Variants in DEPDC5 observed in about 807,000 individuals in gnomAD.
DEPDC5 encodes the protein DEP domain containing 5, GATOR1 subcomplex subunit.
In DEPDC5, 73 loss-of-function variants were observed where a neutral mutation model predicts 217.3. The ratio of observed to expected loss-of-function variants is 0.34; its 90% CI spans 0.28 to 0.41. The LOEUF (loss-of-function observed/expected upper bound fraction) is 0.41, where lower values mean the gene tolerates loss of function less well. Among genes scored for constraint, DEPDC5 ranks in the 10% least tolerant of loss-of-function variants. DEPDC5 has a pLI of 1.00. For synonymous variants in DEPDC5, 733 were observed against 756.7 expected (o/e 0.97, Z 0.51); for missense variants, 1,675 against 2,070.1 (o/e 0.81, Z 3.70).
At position 31,754,910 on chromosome 22, in the gene DEPDC5, A is replaced by G; in HGVS notation, c.-12A>G. 6.2e-7 allele frequency: 1 copy of G among 1,614,216 alleles called. No homozygotes were observed. The highest frequency in any genetic ancestry group is 8.5e-7 in the Non-Finnish European group (1 of 1,180,032). On this transcript the variant is annotated 5_prime_UTR_variant, in exon 2 of 43. Coordinates refer to ENST00000651528, the MANE Select transcript of DEPDC5 (RefSeq NM_001242896.3). ...CCAAGCTTGGAACAGCTAAAGGGAA[A>G]AACAGTGCAAGATGAGAACAACAAA...
intron 12 of DEPDC5, among the ~76,000 whole-genome samples, chr22:31,793,545 ATATCATGATCATGTT>A (rs2085916797): frequency 2.6e-5 from 4 of 151,976 alleles, no homozygotes; most frequent in Admixed American, 2.6e-4. Context: ...TCTGACCACA[ATATCATGATCATGTT>A]TAACGTTATT....
intron 26 of DEPDC5, 90 bp downstream of exon 26, chr22:31,837,245 C>A: frequency 7.3e-7 from 1 of 1,373,406 alleles, no homozygotes; most frequent in Admixed American, 2.1e-5. Flanking sequence ...TTTGTGCTGG[C>A]TTCAGCAACA....
chr22:31,818,885 T>G (rs1260818484), intron 21 of DEPDC5, 137 bp from the exon 22 acceptor site: 40 of 803,670 alleles, frequency 5.0e-5, no homozygotes, highest in Non-Finnish European at 7.3e-5. Flanking sequence ...GTTTGACAGT[T>G]TTGCTCATTT....
chr22:31,772,961 T>C (rs2083486762), intron 7 of DEPDC5, among the ~76,000 whole-genome samples: 1 of 151,830 alleles, frequency 6.6e-6, no homozygotes, highest in Non-Finnish European at 1.5e-5. Context: ...TTTGTTTTTT[T>C]AGTAGACACG....
At chr22:31,786,171 G>A (rs1252468220) in intron 10 of DEPDC5, among the ~76,000 whole-genome samples, 2 of 151,800 alleles carry the variant, frequency 1.3e-5, no homozygotes, top group African/African-American at 4.8e-5. Context: ...CAGGAGAATC[G>A]CTTGAACCTG....
intron 31 of DEPDC5, among the ~76,000 whole-genome samples, chr22:31,851,164 C>T (rs976608851): frequency 6.6e-6 from 1 of 152,128 alleles, no homozygotes; most frequent in African/African-American, 2.4e-5. Context: ...GGGCATATGC[C>T]TTGGTTTCAC....
At chr22:31,860,319 A>T (rs2092464154) in intron 32 of DEPDC5, among the ~76,000 whole-genome samples, 1 of 152,208 alleles carries the variant, frequency 6.6e-6, no homozygotes, top group African/African-American at 2.4e-5. Flanking sequence ...AAGGTTTCGT[A>T]TTGGAGTTTG....
intron 40 of DEPDC5, among the ~76,000 whole-genome samples, chr22:31,899,612 G>A (rs1334751853): frequency 6.6e-6 from 1 of 152,146 alleles, no homozygotes; most frequent in South Asian, 2.1e-4. Flanking sequence ...GGAAGGTCTT[G>A]AATTCCTGAC....
intron 33 of DEPDC5, among the ~76,000 whole-genome samples, chr22:31,863,156 T>C (rs2092573564): frequency 6.6e-6 from 1 of 152,020 alleles, no homozygotes; most frequent in South Asian, 2.1e-4. Flanking sequence ...CATTAACCTT[T>C]TACTTTGTGG....
intron 24 of DEPDC5, among the ~76,000 whole-genome samples, chr22:31,823,450 A>T (rs145369378): frequency 0.025 from 3,793 of 150,272 alleles, 61 homozygotes; most frequent in African/African-American, 0.042. Context: ...GGAGAATCTC[A>T]TGAACCTGGG....
chr22:31,877,436 CAAAAAAAAAAAAAAAAA>C (rs71184527), intron 37 of DEPDC5, among the ~76,000 whole-genome samples: 2 of 21,004 alleles, frequency 9.5e-5, no homozygotes, highest in Non-Finnish European at 1.8e-4. Flanking sequence ...GACTCCATCT[CAAAAAAAAAAAAAAAAA>C]AAAAAAAAAA....
At chr22:31,866,389 C>T (rs899166875) in intron 33 of DEPDC5, among the ~76,000 whole-genome samples, 3 of 152,042 alleles carry the variant, frequency 2.0e-5, no homozygotes, top group Non-Finnish European at 4.4e-5. Context: ...GCTTTCCTTA[C>T]ATTTTTCTTT....
At chr22:31,767,268 G>A (rs773340336) in intron 6 of DEPDC5, among the ~76,000 whole-genome samples, 1 of 151,732 alleles carries the variant, frequency 6.6e-6, no homozygotes, top group Non-Finnish European at 1.5e-5. Flanking sequence ...AGCCTCCCAA[G>A]TAGCTGGAAT....
intron 31 of DEPDC5, 86 bp downstream of exon 31, chr22:31,847,053 A>G: frequency 6.3e-7 from 1 of 1,580,196 alleles, no homozygotes; most frequent in Non-Finnish European, 8.6e-7. Flanking sequence ...GGGGTGAAAT[A>G]TTTCCTTTAC....
chr22:31,764,270 G>GC (rs2082635288), intron 4 of DEPDC5, among the ~76,000 whole-genome samples: 1 of 151,942 alleles, frequency 6.6e-6, no homozygotes, highest in Admixed American at 6.6e-5. Flanking sequence ...CTTATCTCCT[G>GC]CCCCATGTTA....
chr22:31,759,973 G>A (rs1040240364), intron 3 of DEPDC5, among the ~76,000 whole-genome samples: 5 of 149,928 alleles, frequency 3.3e-5, no homozygotes, highest in South Asian at 4.2e-4. Context: ...ATGAGCCACC[G>A]AGCCCAGCCT....
intron 24 of DEPDC5, among the ~76,000 whole-genome samples, chr22:31,824,657 T>G (rs2089990910): frequency 6.6e-6 from 1 of 152,032 alleles, no homozygotes; most frequent in African/African-American, 2.4e-5. Flanking sequence ...AAATGTTACC[T>G]CTGGCTGCCA....
Position 31,899,593 on chromosome 22 carries a change from C to T in DEPDC5, c.4375+1940C>T, listed in dbSNP as rs865796944. ...TTTTTGTAGAGATGGGATTTCACCA[C>T]GTTGGCCAGGAAGGTCTTGAATTCC... On this transcript the variant is annotated intron_variant, in intron 40 of 42. Transcript: ENST00000651528. 3.3e-5 allele frequency among the ~76,000 whole-genome samples: 5 copies of T among 152,238 alleles called. No homozygotes were observed. In the East Asian group the frequency reaches 5.8e-4, roughly 18 times the overall value.
At chr22:31,772,823 C>G (rs1351244558) in intron 7 of DEPDC5, among the ~76,000 whole-genome samples, 1 of 151,710 alleles carries the variant, frequency 6.6e-6, no homozygotes, top group Non-Finnish European at 1.5e-5. Flanking sequence ...TCTCTGTTGC[C>G]TAGGCTGGAG....
Sources: allele counts gnomAD v4.1 joint callset (sites outside exome capture counted in the v4.1 genomes callset), GRCh38; gene constraint gnomAD v4.1.1; transcripts MANE v1.5; gene names NCBI Gene and HGNC (gene_info 2026-07-23, HGNC 2026-07-21).